PRCP: variants seen among roughly 807,000 people sequenced by gnomAD.
PRCP encodes lysosomal Pro-X carboxypeptidase.
Under a neutral mutation model 54.2 loss-of-function variants are expected in PRCP, and 46 were observed. The ratio of observed to expected loss-of-function variants is 0.85; its 90% CI spans 0.67 to 1.09. The LOEUF is 1.09. Among genes scored for constraint, PRCP ranks in the 50% least tolerant of loss-of-function variants. PRCP has a pLI of 0.00. For synonymous variants in PRCP, 240 were observed against 212.2 expected, an observed-to-expected ratio of 1.13 and a Z score of -1.14; for missense variants, 613 against 596.8, an observed-to-expected ratio of 1.03 and a Z score of -0.28.
intron 1 of PRCP, among the ~76,000 whole-genome samples, chr11:82,887,836 G>A (rs1429891576): frequency 6.6e-6 from 1 of 152,150 alleles, no homozygotes; most frequent in African/African-American, 2.4e-5. Context: ...AAAGGGGTCT[G>A]ACACTACATC....
At chr11:82,861,884 A>T (rs1859214122) in intron 1 of PRCP, among the ~76,000 whole-genome samples, 1 of 152,204 alleles carries the variant, frequency 6.6e-6, no homozygotes, top group South Asian at 2.1e-4. Context: ...GTGTAATTTT[A>T]ATATGGACTA....
chr11:82,887,400 A>G (rs370322463), intron 1 of PRCP, among the ~76,000 whole-genome samples: 3 of 152,224 alleles, frequency 2.0e-5, no homozygotes, highest in African/African-American at 7.2e-5. Context: ...ATATTTTTAA[A>G]TGAATGTATG....
intron 1 of PRCP, among the ~76,000 whole-genome samples, chr11:82,891,549 G>A (rs964663296): frequency 8.5e-5 from 13 of 152,204 alleles, no homozygotes; most frequent in Admixed American, 1.3e-4. Flanking sequence ...AGATGTCCCC[G>A]CATTATCTGG....
chr11:82,835,913 C>A (rs895216586), intron 8 of PRCP: 1 of 400,642 alleles, frequency 2.5e-6, no homozygotes, highest in African/African-American at 2.1e-5. Flanking sequence ...ACAGCTCTAG[C>A]CGGGCGTGGT....
intron 4 of PRCP, 45 bp from the exon 5 acceptor site, chr11:82,850,116 T>C (rs373807833): frequency 1.5e-6 from 1 of 654,626 alleles, no homozygotes; most frequent in Non-Finnish European, 2.1e-6. Context: ...AAAGAAAAAA[T>C]ATATATATAT....
At chr11:82,890,677 T>C (rs770649901) in intron 1 of PRCP, among the ~76,000 whole-genome samples, 1 of 152,192 alleles carries the variant, frequency 6.6e-6, no homozygotes, top group East Asian at 1.9e-4. Context: ...ATTCAGCTTC[T>C]CCCATTCTCT....
At chr11:82,825,815 T>C (rs1858216226) in intron 8 of PRCP, 1 of 152,276 alleles carries the variant, frequency 6.6e-6, no homozygotes, top group Non-Finnish European at 1.5e-5. Context: ...AAGGAAATGC[T>C]ACTAGGTTTT....
At chr11:82,888,345 C>T (rs1859917563) in intron 1 of PRCP, among the ~76,000 whole-genome samples, 1 of 152,188 alleles carries the variant, frequency 6.6e-6, no homozygotes, top group South Asian at 2.1e-4. Context: ...TTCTCTCCAG[C>T]CGCAGCACCA....
At chr11:82,831,247 T>C (rs572478529) in intron 8 of PRCP, 2 of 111,050 alleles carry the variant, frequency 1.8e-5, no homozygotes, top group South Asian at 6.1e-4. Context: ...GGTAAAATAA[T>C]GCCTACAAGT....
chr11:82,844,943 T>G (rs1004093002), intron 6 of PRCP, among the ~76,000 whole-genome samples: 1 of 152,066 alleles, frequency 6.6e-6, no homozygotes, highest in African/African-American at 2.4e-5. Flanking sequence ...TAGATCATCT[T>G]TATATTTTTC....
chr11:82,876,769 C>T (rs577757623), intron 1 of PRCP, among the ~76,000 whole-genome samples: 4 of 152,140 alleles, frequency 2.6e-5, no homozygotes, highest in Admixed American at 1.3e-4. Context: ...TTCCCAGTCC[C>T]GGGTATGTCT....
intron 8 of PRCP, chr11:82,835,376 C>T (rs1356292251): frequency 6.5e-6 from 1 of 154,072 alleles, no homozygotes; most frequent in African/African-American, 2.4e-5. Flanking sequence ...TACCAAAGGC[C>T]AAATTTGACT....
chr11:82,867,719 T>TC (rs1859375269), intron 1 of PRCP, among the ~76,000 whole-genome samples: 1 of 151,446 alleles, frequency 6.6e-6, no homozygotes, highest in Non-Finnish European at 1.5e-5. Flanking sequence ...AGACCATTAC[T>TC]TTTTTTTTGT....
chr11:82,829,659 A>G (rs1858328743), intron 8 of PRCP: 1 of 152,150 alleles, frequency 6.6e-6, no homozygotes, highest in African/African-American at 2.4e-5. Flanking sequence ...TATCTCTCAA[A>G]TTAGAACTCC....
chr11:82,849,514 T>G (rs1451764862), intron 5 of PRCP, among the ~76,000 whole-genome samples: 19 of 152,198 alleles, frequency 1.2e-4, no homozygotes, highest in Admixed American at 1.2e-3. Context: ...AACAAATGGA[T>G]GTATCTATCA....
At chr11:82,901,047 C>T (rs1860277581), upstream of PRCP, 1 of 378,708 alleles carries the variant, frequency 2.6e-6, no homozygotes, top group Non-Finnish European at 5.3e-6. Flanking sequence ...GGAACTTGCA[C>T]TAGATCACTC....
intron 8 of PRCP, chr11:82,828,472 G>C (rs529286555): frequency 8.5e-5 from 13 of 152,272 alleles, no homozygotes; most frequent in African/African-American, 2.6e-4. Flanking sequence ...GCATGTATTA[G>C]ATCACTTTCC....
intron 3 of PRCP, among the ~76,000 whole-genome samples, chr11:82,852,115 A>T (rs7106307): frequency 6.6e-6 from 1 of 152,108 alleles, no homozygotes; most frequent in African/African-American, 2.4e-5. Flanking sequence ...ATCTACAACA[A>T]GCTAACTGCT....
At chr11:82,869,334 C>A (rs568184780) in intron 1 of PRCP, among the ~76,000 whole-genome samples, 3 of 131,698 alleles carry the variant, frequency 2.3e-5, no homozygotes, top group African/African-American at 8.6e-5. Context: ...CCAGCCTGGG[C>A]GACAGAGTGA....
Sources: gnomAD v4.1 joint callset for allele counts (sites outside exome capture counted in the v4.1 genomes callset) on GRCh38, gnomAD v4.1.1 for gene constraint, MANE v1.5 for transcripts, NCBI Gene and HGNC (gene_info 2026-07-23, HGNC 2026-07-21) for gene names.